DNAJB14: variants seen among roughly 807,000 people sequenced by gnomAD.
DNAJB14 encodes the protein dnaJ homolog subfamily B member 14.
Under a neutral mutation model 48.4 loss-of-function variants are expected in DNAJB14, and 22 were observed. The observed-to-expected ratio is 0.45, with a 90% CI of 0.32 to 0.65. The LOEUF (loss-of-function observed/expected upper bound fraction) is 0.65, where lower values mean the gene tolerates loss of function less well. Ranked by LOEUF, DNAJB14 falls within the 30% of genes least tolerant of loss-of-function variation. The pLI is 0.03. For synonymous variants in DNAJB14, 142 were observed against 158.7 expected (o/e 0.89, Z 0.79); for missense variants, 319 against 458.8 (o/e 0.70, Z 2.78).
At chr4:99,943,290 A>G (rs898137363) in intron 1 of DNAJB14, among the ~76,000 whole-genome samples, 4 of 152,194 alleles carry the variant, frequency 2.6e-5, no homozygotes, top group African/African-American at 9.6e-5. Flanking sequence ...TTTATTTGGT[A>G]ATCACATACT....
intron 3 of DNAJB14, among the ~76,000 whole-genome samples, chr4:99,911,221 C>T (rs544556486): frequency 6.6e-6 from 1 of 152,094 alleles, no homozygotes. Flanking sequence ...GTCATATATG[C>T]CAACAGTTCA....
At chr4:99,909,689 C>A (rs1725591515) in intron 3 of DNAJB14, among the ~76,000 whole-genome samples, 1 of 151,836 alleles carries the variant, frequency 6.6e-6, no homozygotes, top group Non-Finnish European at 1.5e-5. Flanking sequence ...ACACTGGTTA[C>A]CAGAATTTAC....
intron 3 of DNAJB14, 147 bp from the exon 4 acceptor site, chr4:99,909,043 T>C (rs558621969): frequency 6.4e-5 from 32 of 501,158 alleles, no homozygotes; most frequent in Middle Eastern, 1.1e-3. Context: ...AAGATATACA[T>C]TGTTTGCAAT....
chr4:99,932,529 T>C (rs947189744), intron 1 of DNAJB14, among the ~76,000 whole-genome samples: 3 of 152,098 alleles, frequency 2.0e-5, no homozygotes, highest in African/African-American at 4.8e-5. Flanking sequence ...TGGGGAGAAA[T>C]TGGTACCCTA....
At chr4:99,912,461 T>C (rs1725696758) in intron 3 of DNAJB14, among the ~76,000 whole-genome samples, 1 of 152,134 alleles carries the variant, frequency 6.6e-6, no homozygotes, top group African/African-American at 2.4e-5. Flanking sequence ...TAAATCTGTA[T>C]ATCAATCTGT....
At position 99,898,325 on chromosome 4, in the gene DNAJB14, C is replaced by T. The variant is rs925751230; in HGVS notation, c.*2703G>A. 1 of 151,888 alleles carries T rather than the reference C, an allele frequency of 6.6e-6. No individual in the cohort carries two copies. Among genetic ancestry groups the T allele is most frequent in the Non-Finnish European group, 1.5e-5 (1 of 67,808 alleles). The allele number at this position is 151,888 out of a possible 1,614,324, so 9.4% of individuals were successfully genotyped here. ...GCATGTAATGATTATGAAACAAATACTTATTTAGGTGTTCAAATGTAATCT... is the reference window on the plus strand; with the variant it reads ...GCATGTAATGATTATGAAACAAATATTTATTTAGGTGTTCAAATGTAATCT... On this transcript the variant is annotated 3_prime_UTR_variant, in exon 8 of 8. Coordinates refer to ENST00000442697, the MANE Select transcript of DNAJB14 (RefSeq NM_001031723.4).
chr4:99,911,796 G>A (rs1399120466), intron 3 of DNAJB14, among the ~76,000 whole-genome samples: 1 of 152,036 alleles, frequency 6.6e-6, no homozygotes, highest in Non-Finnish European at 1.5e-5. Flanking sequence ...CAAGATACCT[G>A]TCCTTTGTCA....
At chr4:99,943,094 A>C (rs992406991) in intron 1 of DNAJB14, among the ~76,000 whole-genome samples, 1 of 152,170 alleles carries the variant, frequency 6.6e-6, no homozygotes, top group African/African-American at 2.4e-5. Context: ...TATAAAATAC[A>C]CTTCTCTGAG....
rs2110189641 is a variant in DNAJB14 at position 99,900,617 on chromosome 4, A to C, written c.*411T>G. 6.5e-6 allele frequency: 1 copy of C among 153,854 alleles called. No homozygotes were observed. 9.5% of individuals were successfully genotyped at this position (153,854 alleles called of 1,614,324 possible). A position where few individuals can be genotyped will look rare whatever the true frequency, so the allele number is the denominator to read the frequency against. On this transcript the variant is annotated 3_prime_UTR_variant, in exon 8 of 8. Transcript: ENST00000442697. ...ACATTTATTCCATCAATTTAAACTG[A>C]AGTGTCTCATGGAGCTAAACACTAA...
intron 2 of DNAJB14, chr4:99,924,782 C>T: frequency 1.2e-6 from 2 of 1,606,972 alleles, no homozygotes; most frequent in African/African-American, 1.3e-5. Flanking sequence ...ACAGGTCCAC[C>T]ATCCCATATC....
chr4:99,904,785 T>C (rs913154672), intron 6 of DNAJB14, among the ~76,000 whole-genome samples: 2 of 152,044 alleles, frequency 1.3e-5, no homozygotes, highest in Non-Finnish European at 2.9e-5. Flanking sequence ...TTATTTGTAT[T>C]ATAAATTACA....
intron 3 of DNAJB14, among the ~76,000 whole-genome samples, chr4:99,920,738 T>C (rs1560738881): frequency 6.6e-6 from 1 of 152,202 alleles, no homozygotes; most frequent in Non-Finnish European, 1.5e-5. Context: ...TTGAGAGCAA[T>C]CTTTTTTATT....
At position 99,897,847 on chromosome 4, in the gene DNAJB14, T is replaced by G. The variant is rs1725180441; in HGVS notation, c.*3181A>C. The G allele has an allele frequency of 6.6e-6, 1 of 152,000 alleles. No individual in the cohort carries two copies. Among genetic ancestry groups the G allele is most frequent in the Non-Finnish European group, 1.5e-5 (1 of 67,884 alleles). The allele number at this position is 152,000 out of a possible 1,614,324, so 9.4% of individuals were successfully genotyped here. Reference sequence around the variant, plus strand: ...GCTTCACATGGGGAAGCTCAAGAAATGTACAAATTCTCTTCTTAACCATTT... The same window carrying G: ...GCTTCACATGGGGAAGCTCAAGAAAGGTACAAATTCTCTTCTTAACCATTT... On this transcript the variant is annotated 3_prime_UTR_variant, in exon 8 of 8. Transcript: ENST00000442697.
chr4:99,946,111 A>G (rs1370219120), intron 1 of DNAJB14, among the ~76,000 whole-genome samples: 2 of 152,238 alleles, frequency 1.3e-5, no homozygotes, highest in African/African-American at 4.8e-5. Flanking sequence ...ACACAGATAC[A>G]AATAAAGCCT....
chr4:99,902,253 G>T (rs1725320056), intron 7 of DNAJB14, among the ~76,000 whole-genome samples: 1 of 151,890 alleles, frequency 6.6e-6, no homozygotes, highest in South Asian at 2.1e-4. Flanking sequence ...TTGTTGTGGG[G>T]GGTCTGTGCA....
chr4:99,907,302 G>T (rs1283991733), intron 4 of DNAJB14, among the ~76,000 whole-genome samples: 1 of 151,990 alleles, frequency 6.6e-6, no homozygotes, highest in Non-Finnish European at 1.5e-5. Flanking sequence ...CAAAACACAG[G>T]TTATATTTTC....
intron 3 of DNAJB14, among the ~76,000 whole-genome samples, chr4:99,916,922 CG>C (rs1405826712): frequency 6.6e-6 from 1 of 152,050 alleles, no homozygotes; most frequent in Non-Finnish European, 1.5e-5. Context: ...ATCATGCAAT[CG>C]AGAGATAGAG....
intron 5 of DNAJB14, chr4:99,905,961 T>C: frequency 7.6e-7 from 1 of 1,312,520 alleles, no homozygotes; most frequent in Non-Finnish European, 9.8e-7. Context: ...TTTCTTTCTC[T>C]TTCTCTTTCC....
chr4:99,920,732 G>A (rs1051754673), intron 3 of DNAJB14, among the ~76,000 whole-genome samples: 3 of 152,118 alleles, frequency 2.0e-5, no homozygotes, highest in Non-Finnish European at 4.4e-5. Context: ...TTCTCCTTGA[G>A]AGCAATCTTT....
Sources: gnomAD v4.1 joint callset for allele counts (sites outside exome capture counted in the v4.1 genomes callset) on GRCh38, gnomAD v4.1.1 for gene constraint, MANE v1.5 for transcripts, NCBI Gene and HGNC (gene_info 2026-07-23, HGNC 2026-07-21) for gene names.